Variants in SLC9C1 observed in about 807,000 individuals in gnomAD.
The protein encoded by SLC9C1 is solute carrier family 9 member C1.
SLC9C1 carries 97 observed loss-of-function variants against 140.9 expected under a neutral mutation model. The ratio of observed to expected loss-of-function variants is 0.69; its 90% CI spans 0.58 to 0.82. SLC9C1 has a LOEUF of 0.82. SLC9C1 is among the 40% of genes least tolerant of loss of function. The pLI is 0.00. For synonymous variants in SLC9C1, 440 were observed against 442.6 expected, an observed-to-expected ratio of 0.99 and a Z score of 0.07; for missense variants, 1,340 against 1,389.3, an observed-to-expected ratio of 0.96 and a Z score of 0.56.
intron 10 of SLC9C1, 105 bp from the exon 11 acceptor site, chr3:112,244,181 G>C: frequency 1.5e-6 from 1 of 655,370 alleles, no homozygotes; most frequent in Non-Finnish European, 2.4e-6. Context: ...AATTAAGCTA[G>C]GTTGTACTGT....
At chr3:112,245,701 T>C (rs13100905) in intron 10 of SLC9C1, among the ~76,000 whole-genome samples, 138,751 of 152,118 alleles carry the variant, frequency 0.91, 63,513 homozygotes, top group East Asian at 0.99. Context: ...TATCCTCAGT[T>C]TTCTGTATTT....
chr3:112,156,310 C>T (rs192597636), intron 26 of SLC9C1, among the ~76,000 whole-genome samples: 14 of 152,170 alleles, frequency 9.2e-5, no homozygotes, highest in African/African-American at 3.1e-4. Context: ...GTTTCAAACA[C>T]ATTGCAGCAA....
chr3:112,286,676 A>G, intron 2 of SLC9C1, 28 bp downstream of exon 2: 1 of 1,555,252 alleles, frequency 6.4e-7, no homozygotes, highest in Non-Finnish European at 8.7e-7. Flanking sequence ...GGAAGAATAA[A>G]CTCAGATAAA....
At chr3:112,142,203 C>G (rs1326495908) in intron 28 of SLC9C1, among the ~76,000 whole-genome samples, 1 of 152,152 alleles carries the variant, frequency 6.6e-6, no homozygotes, top group Non-Finnish European at 1.5e-5. Context: ...CAGTTTTCAT[C>G]TATTTCCTCT....
At chr3:112,243,022 T>G (rs2079179506) in intron 11 of SLC9C1, among the ~76,000 whole-genome samples, 2 of 152,140 alleles carry the variant, frequency 1.3e-5, no homozygotes, top group African/African-American at 4.8e-5. Context: ...AAATAACAGA[T>G]GCTGGCAAGG....
chr3:112,177,299 A>G (rs1398779399), intron 23 of SLC9C1, among the ~76,000 whole-genome samples: 2 of 151,260 alleles, frequency 1.3e-5, no homozygotes, highest in African/African-American at 4.9e-5. Context: ...GACCCGCCAC[A>G]CCTTGCCTGA....
At chr3:112,156,526 A>G (rs1378808600) in intron 26 of SLC9C1, among the ~76,000 whole-genome samples, 1 of 152,056 alleles carries the variant, frequency 6.6e-6, no homozygotes, top group Non-Finnish European at 1.5e-5. Flanking sequence ...TTTCTTTTGA[A>G]TATATACCCA....
chr3:112,168,319 C>T (rs1267816122), intron 25 of SLC9C1, among the ~76,000 whole-genome samples: 1 of 130,750 alleles, frequency 7.6e-6, no homozygotes, highest in Non-Finnish European at 1.6e-5. Context: ...CAACACAAAA[C>T]AATACACACA....
intron 20 of SLC9C1, among the ~76,000 whole-genome samples, chr3:112,183,171 T>C (rs1283153663): frequency 6.6e-6 from 1 of 152,118 alleles, no homozygotes; most frequent in East Asian, 1.9e-4. Context: ...TGCCAAATAT[T>C]TTTTCAAAGC....
At chr3:112,166,098 C>T (rs567803786) in intron 26 of SLC9C1, among the ~76,000 whole-genome samples, 66 of 152,188 alleles carry the variant, frequency 4.3e-4, no homozygotes, top group African/African-American at 1.5e-3. Context: ...CCTGGTGTGC[C>T]GTTTGCTAAG....
intron 10 of SLC9C1, among the ~76,000 whole-genome samples, chr3:112,261,263 T>C (rs993121713): frequency 6.6e-6 from 1 of 152,066 alleles, no homozygotes; most frequent in African/African-American, 2.4e-5. Flanking sequence ...CCACAGACAT[T>C]GATATTTTTC....
chr3:112,269,221 C>T (rs904290966), intron 7 of SLC9C1, among the ~76,000 whole-genome samples: 10 of 152,096 alleles, frequency 6.6e-5, no homozygotes, highest in African/African-American at 2.4e-5. Context: ...GTGATCCTCC[C>T]GCCTCAGGCT....
chr3:112,262,692 A>G (rs574572121), intron 10 of SLC9C1, among the ~76,000 whole-genome samples: 1 of 151,988 alleles, frequency 6.6e-6, no homozygotes, highest in African/African-American at 2.4e-5. Flanking sequence ...TATGCCAGGT[A>G]CTATTTTAAA....
chr3:112,185,695 G>A (rs1380453358), intron 20 of SLC9C1: 20 of 1,545,410 alleles, frequency 1.3e-5, no homozygotes, highest in Non-Finnish European at 5.2e-6. Context: ...GCACGCTCGT[G>A]CCACCACTTG....
chr3:112,277,670 T>C (rs200853963), intron 5 of SLC9C1, 25 bp downstream of exon 5: 11 of 1,476,800 alleles, frequency 7.4e-6, no homozygotes, highest in South Asian at 2.9e-5. Flanking sequence ...ATTATAAATA[T>C]AGAAAAAGAG....
At chr3:112,208,037 A>C (rs1162310991) in intron 16 of SLC9C1, 141 bp downstream of exon 16, 1 of 590,858 alleles carries the variant, frequency 1.7e-6, no homozygotes, top group Non-Finnish European at 2.8e-6. Context: ...AATCACCTTC[A>C]AAAATTAAAG....
At chr3:112,250,347 A>C (rs2079418061) in intron 10 of SLC9C1, among the ~76,000 whole-genome samples, 1 of 151,184 alleles carries the variant, frequency 6.6e-6, no homozygotes. Context: ...AGTCTTTGCT[A>C]TTGTGAATAG....
At chr3:112,231,615 G>A in intron 12 of SLC9C1, 129 bp from the exon 13 acceptor site, 1 of 826,954 alleles carries the variant, frequency 1.2e-6, no homozygotes, top group Non-Finnish European at 1.9e-6. Context: ...TAAGAAAAAT[G>A]TTCAGATCCT....
chr3:112,214,283 A>T (rs2078292611), intron 15 of SLC9C1, among the ~76,000 whole-genome samples: 1 of 152,224 alleles, frequency 6.6e-6, no homozygotes, highest in Admixed American at 6.5e-5. Context: ...ACACCCTAAC[A>T]TCACAATTAA....
Sources: gnomAD v4.1 joint callset for allele counts (sites outside exome capture counted in the v4.1 genomes callset) on GRCh38, gnomAD v4.1.1 for gene constraint, MANE v1.5 for transcripts, NCBI Gene and HGNC (gene_info 2026-07-23, HGNC 2026-07-21) for gene names.